The following ATRN variants were observed in gnomAD, a reference collection of about 807,000 sequenced individuals.
ATRN encodes attractin.
A neutral mutation model predicts 178.7 loss-of-function variants in ATRN; 54 were observed. The observed-to-expected ratio is 0.30, with a 90% confidence interval of 0.24 to 0.38. The LOEUF (loss-of-function observed/expected upper bound fraction) is 0.38. Among genes scored for constraint, ATRN ranks in the 10% least tolerant of loss-of-function variants. The probability of loss-of-function intolerance (pLI) is 1.00; values close to 1 mark genes in which losing one functional copy is unlikely to be tolerated. For synonymous variants in ATRN, 636 were observed against 663.0 expected, an observed-to-expected ratio of 0.96 and a Z score of 0.63; for missense variants, 1,443 against 1,815.1, an observed-to-expected ratio of 0.79 and a Z score of 3.73.
chr20:3,532,109 T>C (rs1600081043), intron 1 of ATRN, among the ~76,000 whole-genome samples: 2 of 152,086 alleles, frequency 1.3e-5, no homozygotes, highest in East Asian at 3.9e-4. Flanking sequence ...CCAGCCTGGG[T>C]GTCAGTGTGA....
At chr20:3,521,083 A>G (rs1328110549) in intron 1 of ATRN, among the ~76,000 whole-genome samples, 1 of 152,114 alleles carries the variant, frequency 6.6e-6, no homozygotes, top group East Asian at 1.9e-4. Context: ...AACAATAGAC[A>G]GGGGGTACTA....
chr20:3,471,339 C>T lies in ATRN; in HGVS notation c.232C>T (p.Pro78Ser), dbSNP rs764207472. 4 of 1,486,442 alleles carry T rather than the reference C, an allele frequency of 2.7e-6. No homozygotes were observed. The South Asian group carries it at 3.8e-5, about 14-fold the overall frequency. The allele number at this position is 1,486,442 out of a possible 1,614,324, so 92.1% of individuals were successfully genotyped here. A position where few individuals can be genotyped will look rare whatever the true frequency, so the allele number is the denominator to read the frequency against. Residue 78 changes from proline (P) to serine (S), a missense_variant, in exon 1 of 29, where the codon CCC (proline) becomes TCC (serine). Transcript: ENST00000262919. ...LSPPLLLLLLPCEAEAAAAAA... is the reference protein window; with the variant it reads ...LSPPLLLLLLSCEAEAAAAAA... Reference sequence around the variant, plus strand: ...GCCGCCGCTGCTGCTGCTGCTGCTGCCCTGTGAGGCCGAGGCCGCGGCGGC... The same window carrying T: ...GCCGCCGCTGCTGCTGCTGCTGCTGTCCTGTGAGGCCGAGGCCGCGGCGGC...
At chr20:3,507,144 T>C (rs239129) in intron 1 of ATRN, among the ~76,000 whole-genome samples, 41,003 of 151,522 alleles carry the variant, frequency 0.27, 6,091 homozygotes, top group African/African-American at 0.33. Context: ...CATTGGCTCA[T>C]GCCTGTAATC....
intron 3 of ATRN, among the ~76,000 whole-genome samples, chr20:3,540,873 CTTA>C (rs938304923): frequency 2.2e-4 from 33 of 151,970 alleles, no homozygotes; most frequent in African/African-American, 7.5e-4. Context: ...GAGGAACATA[CTTA>C]TTATATATAT....
chr20:3,490,840 G>T, intron 1 of ATRN: 4 of 814,690 alleles, frequency 4.9e-6, no homozygotes, highest in Non-Finnish European at 6.6e-6. Flanking sequence ...TCATCATACA[G>T]ATCCCTCAGG....
At chr20:3,565,813 AAAAAAAAG>A (rs1046215056) in intron 11 of ATRN, among the ~76,000 whole-genome samples, 4 of 151,746 alleles carry the variant, frequency 2.6e-5, no homozygotes, top group African/African-American at 9.7e-5. Flanking sequence ...AAAAAAAAAA[AAAAAAAAG>A]AGAAAAGTAA....
chr20:3,476,963 A>C (rs986212330), intron 1 of ATRN, among the ~76,000 whole-genome samples: 1 of 152,282 alleles, frequency 6.6e-6, no homozygotes, highest in African/African-American at 2.4e-5. Flanking sequence ...CAAGCCCTAA[A>C]TTTATGTTCA....
intron 5 of ATRN, among the ~76,000 whole-genome samples, chr20:3,547,873 G>A (rs1389929950): frequency 4.7e-5 from 4 of 85,582 alleles, no homozygotes; most frequent in Non-Finnish European, 2.4e-5. Context: ...GAATCTTAAA[G>A]GAGTTAGCTA....
At position 3,575,956 on chromosome 20, in the gene ATRN, G is replaced by A. The variant is rs6115945; in HGVS notation, c.2214+8G>A. 18,767 of 1,611,956 alleles carry A rather than the reference G, an allele frequency of 0.012. 1,100 individuals carry two copies. The African/African-American group carries it at 0.16, about 14-fold the overall frequency. Reference sequence around the variant, plus strand: ...AGCTGCTCAGAAGGCCAGGTCAGAGGCTGTTTCTTAAAGATTTCAGAAAAA... The same window carrying A: ...AGCTGCTCAGAAGGCCAGGTCAGAGACTGTTTCTTAAAGATTTCAGAAAAA... On this transcript the variant is annotated splice_region_variant and intron_variant, in intron 13 of 28. Coordinates refer to ENST00000262919, the MANE Select transcript of ATRN (RefSeq NM_139321.3).
intron 6 of ATRN, among the ~76,000 whole-genome samples, chr20:3,558,052 A>C (rs2085901781): frequency 6.6e-6 from 1 of 152,230 alleles, no homozygotes; most frequent in Non-Finnish European, 1.5e-5. Flanking sequence ...CTGCTAACAC[A>C]GTTGAAGTCC....
At position 3,649,750 on chromosome 20, in the gene ATRN, G is replaced by A. The variant is rs773873437; in HGVS notation, c.*2903G>A. ...GAGAAATGTTTCTCTTAGTCTTTAA[G>A]TTCAAAGACTAACCTGTAGCAATCA... On this transcript the variant is annotated 3_prime_UTR_variant, in exon 29 of 29. Coordinates refer to ENST00000262919, the MANE Select transcript of ATRN (RefSeq NM_139321.3). 3.3e-5 allele frequency: 5 copies of A among 152,188 alleles called. No individual in the cohort carries two copies. The highest frequency in any genetic ancestry group is 4.8e-5 in the African/African-American group (2 of 41,436). The allele number at this position is 152,188 out of a possible 1,614,324, so 9.4% of individuals were successfully genotyped here.
intron 19 of ATRN, 56 bp from the exon 20 acceptor site, chr20:3,594,423 A>G: frequency 6.8e-7 from 1 of 1,463,332 alleles, no homozygotes; most frequent in Non-Finnish European, 9.3e-7. Context: ...AAAAGTCTCC[A>G]ATAGTCAGAA....
rs754420006 is a variant in ATRN at position 3,634,297 on chromosome 20, T to C, written c.3864-14T>C. ...GGGGCTGGGATAATAACTCAGTACT[T>C]TCCTTTCTCACAGTTGTTTCCTCTC... On this transcript the variant is annotated splice_polypyrimidine_tract_variant and intron_variant, in intron 25 of 28. Transcript: ENST00000262919. 2 of 1,611,440 alleles carry C rather than the reference T, an allele frequency of 1.2e-6. No homozygotes were observed. The highest frequency in any genetic ancestry group is 1.7e-5 in the Admixed American group (1 of 60,000).
chr20:3,495,725 G>A (rs1440441209), intron 1 of ATRN, among the ~76,000 whole-genome samples: 2 of 150,706 alleles, frequency 1.3e-5, no homozygotes, highest in East Asian at 3.9e-4. Context: ...AGGGAAGGAG[G>A]AATAGCTATG....
chr20:3,639,576 A>G lies in ATRN; in HGVS notation c.4050+641A>G, dbSNP rs959480081. Reference sequence around the variant, plus strand: ...CCTATTTTTCTTTATATTTTGGGGAATTTTTTAAGCAGCAAAATGATAATA... The same window carrying G: ...CCTATTTTTCTTTATATTTTGGGGAGTTTTTTAAGCAGCAAAATGATAATA... On this transcript the variant is annotated intron_variant, in intron 27 of 28. Coordinates refer to ENST00000262919, the MANE Select transcript of ATRN (RefSeq NM_139321.3). Among the ~76,000 whole-genome samples, 3 of 151,980 alleles carry G rather than the reference A, an allele frequency of 2.0e-5. No homozygotes were observed. In the South Asian group the frequency reaches 6.2e-4, roughly 32 times the overall value.
chr20:3,612,395 G>T (rs2086778697), intron 24 of ATRN, among the ~76,000 whole-genome samples: 1 of 152,160 alleles, frequency 6.6e-6, no homozygotes, highest in South Asian at 2.1e-4. Flanking sequence ...TTAGGACTCT[G>T]ATCTCTAGAC....
intron 16 of ATRN, among the ~76,000 whole-genome samples, chr20:3,582,794 A>G (rs1052169543): frequency 6.6e-6 from 1 of 152,174 alleles, no homozygotes; most frequent in Non-Finnish European, 1.5e-5. Context: ...ACAGGGAGAA[A>G]AATGATGAGA....
chr20:3,554,761 T>G (rs2085843892), intron 6 of ATRN, among the ~76,000 whole-genome samples: 1 of 152,148 alleles, frequency 6.6e-6, no homozygotes, highest in Non-Finnish European at 1.5e-5. Flanking sequence ...AATTCCCATT[T>G]TGTTACCCAA....
chr20:3,542,186 G>A (rs939246402), intron 3 of ATRN, among the ~76,000 whole-genome samples: 6 of 152,216 alleles, frequency 3.9e-5, no homozygotes, highest in Admixed American at 2.6e-4. Flanking sequence ...GTAGCAAAAA[G>A]CACCCCAGAC....
Sources: gnomAD v4.1 joint callset for allele counts (sites outside exome capture counted in the v4.1 genomes callset) on GRCh38, gnomAD v4.1.1 for gene constraint, MANE v1.5 for transcripts, NCBI Gene and HGNC (gene_info 2026-07-23, HGNC 2026-07-21) for gene names.